RSAD1: variants seen among roughly 807,000 people sequenced by gnomAD.
RSAD1 encodes the protein radical S-adenosyl methionine domain-containing protein 1, mitochondrial.
RSAD1 carries 34 observed loss-of-function variants against 46.2 expected under a neutral mutation model. The ratio of observed to expected loss-of-function variants is 0.74; its 90% CI spans 0.56 to 0.98. RSAD1 has a LOEUF of 0.98. Among genes scored for constraint, RSAD1 ranks in the 50% least tolerant of loss-of-function variants. The probability of loss-of-function intolerance (pLI) is 0.00; values close to 1 mark genes in which losing one functional copy is unlikely to be tolerated. For missense variants in RSAD1, 635 were observed against 592.3 expected (o/e 1.07, Z -0.75); for synonymous variants, 260 against 253.5 (o/e 1.03, Z -0.24).
rs1397038921 is a variant in RSAD1 at position 50,485,895 on chromosome 17, T to C, written c.*1034T>C. Reference sequence around the variant, plus strand: ...ATTCGGGAAAGACCCAAAGTGTTTGTAATTCTTCTTTGTCCTTTTACCTAC... The same window carrying C: ...ATTCGGGAAAGACCCAAAGTGTTTGCAATTCTTCTTTGTCCTTTTACCTAC... On this transcript the variant is annotated 3_prime_UTR_variant, in exon 9 of 9. Transcript: ENST00000258955. The C allele has an allele frequency of 6.6e-6, 1 of 152,212 alleles. No individual in the cohort carries two copies. The highest frequency in any genetic ancestry group is 2.4e-5 in the African/African-American group (1 of 41,436). The allele number at this position is 152,212 out of a possible 1,614,324, so 9.4% of individuals were successfully genotyped here. A position where few individuals can be genotyped will look rare whatever the true frequency, so the allele number is the denominator to read the frequency against.
At position 50,484,471 on chromosome 17, in the gene RSAD1, C is replaced by T; in HGVS notation, c.1137C>T (p.Thr379=). The T allele has an allele frequency of 6.2e-7, 1 of 1,613,728 alleles. No individual in the cohort carries two copies. Among genetic ancestry groups the T allele is most frequent in the Non-Finnish European group, 8.5e-7 (1 of 1,180,000 alleles). Residue 379 remains threonine (T), a synonymous_variant, in exon 8 of 9, where the codon ACC becomes ACT. Transcript: ENST00000258955. ...GGCAGCAGTTTGAGCCCCAGCTGAC[C>T]CTGTGGGATGTGTTTGGAGCGAACA... ...QHWQQFEPQL[T]LWDVFGANKE...
rs1049484458 is a variant in RSAD1, at chr17:50,483,473, G to A, written c.1038G>A (p.Leu346=). The change falls in exon 6 of 9, where the codon CTG becomes CTA. Residue 346 remains leucine, a synonymous_variant. Transcript: ENST00000258955. ...FGHGTRKRVP[L]GRLELLEEVL... is the part of the protein sequence containing the mutation. ...ATGGCACCCGGAAGCGTGTCCCCCT[G>A]GGCAGGCTGGAGCTGTGAGCATCCA... 1 of 1,612,938 alleles carries A rather than the reference G, an allele frequency of 6.2e-7. No homozygotes were observed. The highest frequency in any genetic ancestry group is 1.3e-5 in the African/African-American group (1 of 75,032).
Position 50,479,902 on chromosome 17 carries a change from G to T in RSAD1, c.292G>T (p.Gly98Trp), listed in dbSNP as rs775681156. 1.9e-6 allele frequency: 3 copies of T among 1,613,458 alleles called. No homozygotes were observed. The highest frequency in any genetic ancestry group is 3.3e-5 in the Admixed American group (2 of 59,994). ...VQRVESVFFG[G>W]GTPSLASPHT... Reference sequence around the variant, plus strand: ...CAGGGTGGAGTCTGTGTTCTTTGGTGGGGGGACCCCCAGTCTAGCCAGTCC... The same window carrying T: ...CAGGGTGGAGTCTGTGTTCTTTGGTTGGGGGACCCCCAGTCTAGCCAGTCC... The change falls in exon 3 of 9, where the codon GGG becomes TGG. Residue 98 changes from glycine to tryptophan, a missense_variant. Physicochemically the swap from Gly to Trp is radical, Grantham distance 184. Coordinates refer to ENST00000258955, the MANE Select transcript of RSAD1 (RefSeq NM_018346.3).
In RSAD1 at chr17:50,482,459, A is replaced by T. The variant is rs769328953; in HGVS notation, c.840+3A>T. 6.3e-7 allele frequency: 1 copy of T among 1,591,282 alleles called. No individual in the cohort carries two copies. The highest frequency in any genetic ancestry group is 8.5e-7 in the Non-Finnish European group (1 of 1,171,790). ...AGGTCTCCAACTTTGCCCGGAATGT[A>T]AGTTCTGGGGCTGATGGCTGGAGGT... On this transcript the variant is annotated splice_donor_region_variant and intron_variant, in intron 4 of 8. Transcript: ENST00000258955.
chr17:50,482,288 C>T lies in RSAD1; in HGVS notation c.672C>T (p.Ser224=), dbSNP rs754637578. The T allele has an allele frequency of 6.2e-7, 1 of 1,602,458 alleles. No homozygotes were observed. The highest frequency in any genetic ancestry group is 1.1e-5 in the South Asian group (1 of 89,530). The change falls in exon 4 of 9, where the codon TCC becomes TCT. Residue 224 remains serine (S), a synonymous_variant. Transcript: ENST00000258955. The part of the protein sequence containing the change: ...ELLHHCDDHL[S]LYQLSLERGT... Reference sequence around the variant, plus strand: ...TGCACCACTGTGATGACCACCTCTCCCTCTACCAGCTGTCCCTGGAGCGGG... The same window carrying T: ...TGCACCACTGTGATGACCACCTCTCTCTCTACCAGCTGTCCCTGGAGCGGG...
Position 50,478,996 on chromosome 17 carries a change from C to A in RSAD1, c.112C>A (p.Arg38=), listed in dbSNP as rs756889705. The change falls in exon 1 of 9, where the codon CGG becomes AGG. Residue 38 remains arginine (R), a synonymous_variant. Coordinates refer to ENST00000258955, the MANE Select transcript of RSAD1 (RefSeq NM_018346.3). Reference sequence around the variant, plus strand: ...GTCCCCGAGTCCTGAGCCTGCGGGCCGGCGCGCGGCGCTTTACGTACACGT... The same window carrying A: ...GTCCCCGAGTCCTGAGCCTGCGGGCAGGCGCGCGGCGCTTTACGTACACGT... ...GGSPSPEPAG[R]RAALYVHWPY... The A allele has an allele frequency of 1.5e-5, 20 of 1,372,712 alleles. No individual in the cohort carries two copies. The African/African-American group carries it at 2.3e-4, about 16-fold the overall frequency. The allele number at this position is 1,372,712 out of a possible 1,614,324, so 85.0% of individuals were successfully genotyped here.
In RSAD1 at chr17:50,484,956, CTGCTCCTTGTGGTTA is replaced by C. The variant is rs2033435173; in HGVS notation, c.*97_*111del. The stretch of plus-strand genomic sequence containing the variant: ...TCTTCTCCGTTGTCGGGTGCCGTCT[CTGCTCCTTGTGGTTA>C]TTGCTCAGCCCTGGCATCCCCAGGG... On this transcript the variant is annotated 3_prime_UTR_variant, in exon 9 of 9. Coordinates refer to ENST00000258955, the MANE Select transcript of RSAD1 (RefSeq NM_018346.3). 1 of 988,606 alleles carries C rather than the reference CTGCTCCTTGTGGTTA, an allele frequency of 1.0e-6. No homozygotes were observed. Among genetic ancestry groups the C allele is most frequent in the Non-Finnish European group, 1.6e-6 (1 of 634,708 alleles). The allele number at this position is 988,606 out of a possible 1,614,324, so 61.2% of individuals were successfully genotyped here.
chr17:50,482,631 C>G lies in RSAD1; in HGVS notation c.841-12C>G. On this transcript the variant is annotated splice_polypyrimidine_tract_variant and intron_variant, in intron 4 of 8. Transcript: ENST00000258955. ...CCCTCTTCACTCTGCACTATTTCCT[C>G]CCTCCCCGCAGGGGGCGCTCAGTAC... The G allele has an allele frequency of 6.2e-7, 1 of 1,614,066 alleles. No homozygotes were observed. The highest frequency in any genetic ancestry group is 8.5e-7 in the Non-Finnish European group (1 of 1,179,960).
rs771808976 is a variant in RSAD1 at position 50,480,092 on chromosome 17, A to G, written c.474+8A>G. The G allele has an allele frequency of 1.0e-4, 161 of 1,613,514 alleles. No homozygotes were observed. The highest frequency in any genetic ancestry group is 1.3e-4 in the Non-Finnish European group (149 of 1,179,844). On this transcript the variant is annotated splice_region_variant and intron_variant, in intron 3 of 8. Coordinates refer to ENST00000258955, the MANE Select transcript of RSAD1 (RefSeq NM_018346.3). The stretch of plus-strand genomic sequence containing the variant: ...TTGTCTATAGGCCTCCAGGTAACCC[A>G]TGGCACTCACCCCATCCCAGTGCAC...
At position 50,479,847 on chromosome 17, in the gene RSAD1, C is replaced by T. The variant is rs369511631; in HGVS notation, c.270-33C>T. On this transcript the variant is annotated intron_variant, in intron 2 of 8. Transcript: ENST00000258955. The stretch of plus-strand genomic sequence containing the variant: ...AGGTGCAGGCATCCCAGAGGGCTCC[C>T]CCAGGTCTCATTTCTCCATTCTCTT... 51 of 1,598,990 alleles carry T rather than the reference C, an allele frequency of 3.2e-5. No individual in the cohort carries two copies. The African/African-American group carries it at 5.5e-4, about 17-fold the overall frequency.
rs754286924 is a variant in RSAD1 at position 50,483,468 on chromosome 17, C to T, written c.1033C>T (p.Pro345Ser). ...LFGHGTRKRVPLGRLELLEEV... is the reference protein window; with the variant it reads ...LFGHGTRKRVSLGRLELLEEV... ...TGGCCATGGCACCCGGAAGCGTGTCCCCCTGGGCAGGCTGGAGCTGTGAGC... is the reference window on the plus strand; with the variant it reads ...TGGCCATGGCACCCGGAAGCGTGTCTCCCTGGGCAGGCTGGAGCTGTGAGC... The change falls in exon 6 of 9, where the codon CCC becomes TCC. Residue 345 changes from proline to serine, a missense_variant. Pro to Ser is a moderately conservative substitution (Grantham distance 74, BLOSUM62 -1). Transcript: ENST00000258955. 2 of 1,613,034 alleles carry T rather than the reference C, an allele frequency of 1.2e-6. No individual in the cohort carries two copies. The highest frequency in any genetic ancestry group is 1.7e-6 in the Non-Finnish European group (2 of 1,179,534).
chr17:50,478,935 G>A lies in RSAD1; in HGVS notation c.51G>A (p.Ala17=). The A allele has an allele frequency of 1.5e-6, 2 of 1,365,214 alleles. No individual in the cohort carries two copies. Among genetic ancestry groups the A allele is most frequent in the Non-Finnish European group, 1.9e-6 (2 of 1,065,456 alleles). The allele number at this position is 1,365,214 out of a possible 1,614,324, so 84.6% of individuals were successfully genotyped here. Residue 17 remains alanine (A), a synonymous_variant, in exon 1 of 9, where the codon GCG becomes GCA. Coordinates refer to ENST00000258955, the MANE Select transcript of RSAD1 (RefSeq NM_018346.3). ...RARGWAAAAR[A]AQRRRRVENA... is the part of the protein sequence containing the mutation. ...GCGGCTGGGCGGCAGCAGCCAGAGC[G>A]GCCCAGAGGCGCCGCCGCGTGGAGA...
Position 50,479,923 on chromosome 17 carries a change from A to T in RSAD1, c.313A>T (p.Ser105Cys). 6.2e-7 allele frequency: 1 copy of T among 1,614,182 alleles called. No individual in the cohort carries two copies. Among genetic ancestry groups the T allele is most frequent in the Non-Finnish European group, 8.5e-7 (1 of 1,180,032 alleles). Reference protein sequence around the residue: ...FFGGGTPSLASPHTVAAVLEA... With the variant: ...FFGGGTPSLACPHTVAAVLEA... ...TGGTGGGGGGACCCCCAGTCTAGCC[A>T]GTCCCCACACGGTGGCTGCTGTCCT... The change falls in exon 3 of 9, where the codon AGT (serine) becomes TGT (cysteine). Residue 105 changes from serine (S) to cysteine (C), a missense_variant. Transcript: ENST00000258955.
chr17:50,482,687 G>T lies in RSAD1; in HGVS notation c.885G>T (p.Gln295His), dbSNP rs1321494683. 8 of 1,614,056 alleles carry T rather than the reference G, an allele frequency of 5.0e-6. No homozygotes were observed. Residue 295 changes from glutamine (Q) to histidine (H), a missense_variant, in exon 5 of 9, where the codon CAG becomes CAT. Gln to His is a conservative substitution (Grantham distance 24). Transcript: ENST00000258955. The part of the protein sequence containing the change: ...THNWTYWQCG[Q>H]YLGVGPGAHG... ...ATTGGACTTACTGGCAGTGTGGTCAGTACCTTGGCGTTGGGCCTGGTGAGT... is the reference window on the plus strand; with the variant it reads ...ATTGGACTTACTGGCAGTGTGGTCATTACCTTGGCGTTGGGCCTGGTGAGT...
chr17:50,482,103 A>G lies in RSAD1; in HGVS notation c.487A>G (p.Thr163Ala). The stretch of plus-strand genomic sequence containing the variant: ...CCTCTTTTCCCAGTCCCTAGATGAC[A>G]CTGAGCTCCGGCTGTTGGGACGGAC... ...LSIGLQSLDD[T>A]ELRLLGRTHS... Residue 163 changes from threonine to alanine, a missense_variant, in exon 4 of 9, where the codon ACT becomes GCT. Coordinates refer to ENST00000258955, the MANE Select transcript of RSAD1 (RefSeq NM_018346.3). 1.9e-6 allele frequency: 3 copies of G among 1,571,150 alleles called. No individual in the cohort carries two copies. The highest frequency in any genetic ancestry group is 2.6e-6 in the Non-Finnish European group (3 of 1,155,958).
At position 50,479,771 on chromosome 17, in the gene RSAD1, TG is replaced by T. The variant is rs770775772; in HGVS notation, c.269+14del. On this transcript the variant is annotated intron_variant, in intron 2 of 8. Coordinates refer to ENST00000258955, the MANE Select transcript of RSAD1 (RefSeq NM_018346.3). ...CTCAGCGGGGTGCAACGGTGGGTAGTGGGGGCTGTAGGCAGCGTTTTGGGAA... is the reference window on the plus strand; with the variant it reads ...CTCAGCGGGGTGCAACGGTGGGTAGTGGGGCTGTAGGCAGCGTTTTGGGAA... The T allele has an allele frequency of 6.2e-6, 10 of 1,603,988 alleles. No individual in the cohort carries two copies. Among genetic ancestry groups the T allele is most frequent in the Non-Finnish European group, 7.7e-6 (9 of 1,174,530 alleles).
chr17:50,482,737 T>C (rs2033397334), intron 5 of RSAD1, 31 bp downstream of exon 5: 1 of 1,601,696 alleles, frequency 6.2e-7, no homozygotes, highest in African/African-American at 1.3e-5. Context: ...AAAGGGTGAC[T>C]CAGGAGAGGA....
At chr17:50,479,075 C>T (rs1489265012) in intron 1 of RSAD1, 56 bp downstream of exon 1, 7 of 1,284,522 alleles carry the variant, frequency 5.4e-6, no homozygotes, top group East Asian at 3.1e-5. Context: ...TGGCCGTGAC[C>T]GTGGCCGTCC....
At chr17:50,479,581 A>C in intron 1 of RSAD1, 48 bp from the exon 2 acceptor site, 4 of 1,610,284 alleles carry the variant, frequency 2.5e-6, no homozygotes, top group Non-Finnish European at 3.4e-6. Flanking sequence ...TGAACCCTGG[A>C]AGTGGCCAGG....
Sources: allele counts gnomAD v4.1 joint callset, GRCh38; gene constraint gnomAD v4.1.1; transcripts MANE v1.5; gene names NCBI Gene and HGNC (gene_info 2026-07-23, HGNC 2026-07-21).